PDE10A: variants seen among roughly 807,000 people sequenced by gnomAD.
PDE10A encodes cAMP and cAMP-inhibited cGMP 3',5'-cyclic phosphodiesterase 10A.
PDE10A carries 39 observed loss-of-function variants against 97.7 expected under a neutral mutation model. That is an observed-to-expected ratio of 0.40 (90% CI 0.31 to 0.52). The LOEUF is 0.52. Among genes scored for constraint, PDE10A ranks in the 20% least tolerant of loss-of-function variants. The pLI, the probability that PDE10A is intolerant of heterozygous loss-of-function variation, is 0.56. For synonymous variants in PDE10A, 371 were observed against 376.8 expected (o/e 0.98, Z 0.18); for missense variants, 731 against 1,047.8 (o/e 0.70, Z 4.17).
chr6:165,383,973 G>A (rs9459409), intron 17 of PDE10A, among the ~76,000 whole-genome samples: 12,528 of 151,988 alleles, frequency 0.082, 586 homozygotes, highest in Middle Eastern at 0.2. Context: ...GTTAAGATAC[G>A]GTCTGAAACT....
intron 1 of PDE10A, among the ~76,000 whole-genome samples, chr6:165,920,440 A>G (rs1051219375): frequency 2.0e-5 from 3 of 152,176 alleles, no homozygotes; most frequent in Non-Finnish European, 4.4e-5. Flanking sequence ...AATAGGTTGT[A>G]GTAAAATGAT....
chr6:165,896,895 C>T (rs1212586030), intron 1 of PDE10A, among the ~76,000 whole-genome samples: 2 of 152,084 alleles, frequency 1.3e-5, no homozygotes, highest in East Asian at 3.9e-4. Context: ...GTCGTGAACT[C>T]CAGACCTCAA....
At chr6:165,833,887 G>T (rs1307231760) in intron 1 of PDE10A, among the ~76,000 whole-genome samples, 2 of 152,184 alleles carry the variant, frequency 1.3e-5, no homozygotes, top group Non-Finnish European at 2.9e-5. Context: ...CAGCCAAAAG[G>T]TCTAGCCGAG....
chr6:165,524,928 T>A (rs1166230349), intron 2 of PDE10A, among the ~76,000 whole-genome samples: 1 of 152,080 alleles, frequency 6.6e-6, no homozygotes, highest in Non-Finnish European at 1.5e-5. Context: ...AGCTTCCCCA[T>A]CCCCAGTGGT....
chr6:165,602,319 G>A (rs1786996086), intron 1 of PDE10A, among the ~76,000 whole-genome samples: 1 of 152,012 alleles, frequency 6.6e-6, no homozygotes, highest in Admixed American at 6.6e-5. Context: ...TCAACCAAGA[G>A]CCCTAGGAGG....
intron 1 of PDE10A, among the ~76,000 whole-genome samples, chr6:165,561,165 G>C (rs1269106884): frequency 6.6e-6 from 1 of 151,350 alleles, no homozygotes; most frequent in Non-Finnish European, 1.5e-5. Flanking sequence ...GTTGCAGTGA[G>C]CCGAGATCAC....
At chr6:165,883,949 C>T (rs1289038802) in intron 1 of PDE10A, among the ~76,000 whole-genome samples, 1 of 152,086 alleles carries the variant, frequency 6.6e-6, no homozygotes, top group African/African-American at 2.4e-5. Flanking sequence ...GGGAGGTCCT[C>T]GAGGGGAAGC....
chr6:165,625,425 T>A (rs1486229685), intron 1 of PDE10A, among the ~76,000 whole-genome samples: 2 of 152,196 alleles, frequency 1.3e-5, no homozygotes, highest in Non-Finnish European at 2.9e-5. Context: ...CCTCAAAGAC[T>A]TGGACCTGAG....
chr6:165,890,263 C>A (rs1051292674), intron 1 of PDE10A, among the ~76,000 whole-genome samples: 1 of 152,110 alleles, frequency 6.6e-6, no homozygotes, highest in South Asian at 2.1e-4. Flanking sequence ...TTCTCTCTTT[C>A]CCACTTGATG....
At chr6:165,604,060 T>C (rs1188147112) in intron 1 of PDE10A, among the ~76,000 whole-genome samples, 1 of 152,122 alleles carries the variant, frequency 6.6e-6, no homozygotes, top group Non-Finnish European at 1.5e-5. Context: ...GAAAAATATA[T>C]AACAAAGAAA....
chr6:165,967,455 C>G (rs765940546), intron 1 of PDE10A, among the ~76,000 whole-genome samples: 1 of 152,204 alleles, frequency 6.6e-6, no homozygotes, highest in South Asian at 2.1e-4. Flanking sequence ...CAAGACTGTG[C>G]CACTGCACTC....
rs567716660 is a variant in PDE10A at position 165,354,459 on chromosome 6, T to A, written c.2784-10957A>T. On this transcript the variant is annotated intron_variant, in intron 18 of 21. Coordinates refer to ENST00000539869, the MANE Select transcript of PDE10A (RefSeq NM_001385079.1). ...TTGTCCAAACAAGAAAATAAGGAGT[T>A]AAGATATAAAAGCCACTCCAAGCTG... Among the ~76,000 whole-genome samples, 9 of 152,330 alleles carry A rather than the reference T, an allele frequency of 5.9e-5. No individual in the cohort carries two copies. The South Asian group carries it at 1.9e-3, about 32-fold the overall frequency.
chr6:165,813,767 A>G (rs73243825), intron 1 of PDE10A, among the ~76,000 whole-genome samples: 3,779 of 144,280 alleles, frequency 0.026, 148 homozygotes, highest in African/African-American at 0.092. Context: ...ACTCTATAAA[A>G]CCTTGATTGA....
At position 165,826,404 on chromosome 6, in the gene PDE10A, T is replaced by C. The variant is rs751109201; in HGVS notation, c.-615+161125A>G. 7.0e-5 allele frequency among the ~76,000 whole-genome samples: 10 copies of C among 142,854 alleles called. No individual in the cohort carries two copies. The South Asian group carries it at 2.2e-3, about 31-fold the overall frequency. 93.7% of individuals were successfully genotyped at this position (142,854 alleles called of 152,430 possible). ...TGTCCTCATGTCCCTCGTGTCCCCA[T>C]GTCCCTCTGTCCTGGTATCCCTCTG... On this transcript the variant is annotated intron_variant, in intron 1 of 19. Transcript: ENST00000366882.
At position 165,373,585 on chromosome 6, in the gene PDE10A, G is replaced by A. The variant is rs970439560; in HGVS notation, c.2783+5609C>T. On this transcript the variant is annotated intron_variant, in intron 18 of 21. Coordinates refer to ENST00000539869, the MANE Select transcript of PDE10A (RefSeq NM_001385079.1). ...TCATCAAAAAGTCAGGAAACAACAG[G>A]TGCTGGAGAGGATATGGAGAAATAG... is the stretch of plus-strand genomic sequence containing the variant. 6.6e-4 allele frequency among the ~76,000 whole-genome samples: 100 copies of A among 152,230 alleles called. 1 individual carries two copies. Among genetic ancestry groups the A allele is most frequent in the Admixed American group, 1.6e-3 (24 of 15,290 alleles).
chr6:165,470,823 C>T (rs976826848), intron 3 of PDE10A, among the ~76,000 whole-genome samples: 5 of 152,094 alleles, frequency 3.3e-5, no homozygotes, highest in African/African-American at 1.2e-4. Flanking sequence ...CCTCTCTGTC[C>T]CATTGCATCA....
At chr6:165,806,042 TAAAAAAAAAA>T (rs67104260) in intron 1 of PDE10A, among the ~76,000 whole-genome samples, 54 of 73,142 alleles carry the variant, frequency 7.4e-4, no homozygotes, top group African/African-American at 2.7e-3. Context: ...GCTTGATTAT[TAAAAAAAAAA>T]AAAAAAAAAA....
intron 1 of PDE10A, among the ~76,000 whole-genome samples, chr6:165,694,694 C>T (rs180733266): frequency 6.6e-6 from 1 of 152,310 alleles, no homozygotes; most frequent in African/African-American, 2.4e-5. Context: ...CAGCTGTAAG[C>T]TCCTATGTGT....
intron 1 of PDE10A, among the ~76,000 whole-genome samples, chr6:165,931,112 C>T (rs953606744): frequency 6.6e-6 from 1 of 152,264 alleles, no homozygotes; most frequent in Non-Finnish European, 1.5e-5. Flanking sequence ...ATCTCCTCTT[C>T]CATCCACTTT....
Sources: gnomAD v4.1 joint callset for allele counts (sites outside exome capture counted in the v4.1 genomes callset) on GRCh38, gnomAD v4.1.1 for gene constraint, MANE v1.5 for transcripts, NCBI Gene and HGNC (gene_info 2026-07-23, HGNC 2026-07-21) for gene names.